LRRTM4: variants seen among roughly 807,000 people sequenced by gnomAD.
The protein encoded by LRRTM4 is leucine-rich repeat transmembrane neuronal protein 4.
A neutral mutation model predicts 47.6 loss-of-function variants in LRRTM4; 25 were observed. The observed-to-expected ratio is 0.53, with a 90% CI of 0.38 to 0.73. The LOEUF is 0.73. Ranked by LOEUF, LRRTM4 falls within the 30% of genes least tolerant of loss-of-function variation. The pLI is 0.00. For synonymous variants in LRRTM4, 311 were observed against 269.5 expected (o/e 1.15, Z -1.51); for missense variants, 638 against 713.4 (o/e 0.89, Z 1.20).
Position 77,148,828 on chromosome 2 carries a change from G to A in LRRTM4, c.1551+369490C>T, listed in dbSNP as rs1672341745. 2.0e-5 allele frequency among the ~76,000 whole-genome samples: 3 copies of A among 152,228 alleles called. No homozygotes were observed. In the South Asian group the frequency reaches 6.2e-4, roughly 32 times the overall value. Reference sequence around the variant, plus strand: ...GAGGAAACAAAAGTTAGGAAGTAAAGAAGAAGAACCTCGCAGCAGAAATCC... The same window carrying A: ...GAGGAAACAAAAGTTAGGAAGTAAAAAAGAAGAACCTCGCAGCAGAAATCC... On this transcript the variant is annotated intron_variant, in intron 3 of 3. Coordinates refer to ENST00000409884, the MANE Select transcript of LRRTM4 (RefSeq NM_001134745.3).
chr2:77,243,370 A>G (rs1675325030), intron 3 of LRRTM4, among the ~76,000 whole-genome samples: 1 of 147,036 alleles, frequency 6.8e-6, no homozygotes, highest in African/African-American at 2.5e-5. Context: ...AGATCGTGCC[A>G]TTGCACTCCA....
At chr2:77,128,568 T>C (rs181983016) in intron 3 of LRRTM4, among the ~76,000 whole-genome samples, 81 of 152,250 alleles carry the variant, frequency 5.3e-4, no homozygotes, top group South Asian at 2.5e-3. Context: ...CTATACAAAA[T>C]CTTTCCAACC....
At position 77,165,340 on chromosome 2, in the gene LRRTM4, A is replaced by C. The variant is rs185580931; in HGVS notation, c.1551+352978T>G. Among the ~76,000 whole-genome samples the C allele has an allele frequency of 1.7e-3, 252 of 152,246 alleles. 2 individuals carry two copies. Among genetic ancestry groups the C allele is most frequent in the African/African-American group, 3.3e-3 (137 of 41,558 alleles). ...TAATTAATAGCTTACCAACCAAAAA[A>C]AGTCCAGGACCGACAGATTCACAGC... On this transcript the variant is annotated intron_variant, in intron 3 of 3. Coordinates refer to ENST00000409884, the MANE Select transcript of LRRTM4 (RefSeq NM_001134745.3).
intron 3 of LRRTM4, among the ~76,000 whole-genome samples, chr2:77,086,251 G>A (rs1333404718): frequency 6.6e-6 from 1 of 152,130 alleles, no homozygotes; most frequent in Non-Finnish European, 1.5e-5. Context: ...AATAAGAGAA[G>A]TGAGTCAAGG....
chr2:76,826,273 CAAG>C (rs964510935), intron 3 of LRRTM4, among the ~76,000 whole-genome samples: 1 of 151,438 alleles, frequency 6.6e-6, no homozygotes, highest in Non-Finnish European at 1.5e-5. Flanking sequence ...ATAGGAAAGC[CAAG>C]AAGTAGCTTA....
intron 3 of LRRTM4, among the ~76,000 whole-genome samples, chr2:76,919,607 C>T (rs1164372487): frequency 3.9e-5 from 6 of 152,030 alleles, no homozygotes; most frequent in Admixed American, 6.6e-5. Context: ...TTGTGAAAGC[C>T]GATACGAGCC....
At chr2:77,153,329 A>C (rs1355465529) in intron 3 of LRRTM4, among the ~76,000 whole-genome samples, 2 of 152,142 alleles carry the variant, frequency 1.3e-5, no homozygotes, top group Non-Finnish European at 2.9e-5. Context: ...TTTGTCACAT[A>C]CTCAAAGGCA....
At chr2:76,829,836 T>C (rs1261676048) in intron 3 of LRRTM4, among the ~76,000 whole-genome samples, 1 of 151,984 alleles carries the variant, frequency 6.6e-6, no homozygotes, top group Admixed American at 6.6e-5. Context: ...TTCATCAGGG[T>C]TGTGGAAATC....
Position 77,078,380 on chromosome 2 carries a change from CCACACACACA to C in LRRTM4, c.1552-329474_1552-329465del, listed in dbSNP as rs59703273. Among the ~76,000 whole-genome samples, 704 of 139,340 alleles carry C rather than the reference CCACACACACA, an allele frequency of 5.1e-3. 13 individuals carry two copies. Among genetic ancestry groups the C allele is most frequent in the African/African-American group, 0.017 (641 of 38,534 alleles). The allele number at this position is 139,340 out of a possible 152,430, so 91.4% of individuals were successfully genotyped here. A position where few individuals can be genotyped will look rare whatever the true frequency, so the allele number is the denominator to read the frequency against. ...ATATGTTTGTCTATTACACACACACCCACACACACACACACACACACACACACATGTTCTG... is the reference window on the plus strand; with the variant it reads ...ATATGTTTGTCTATTACACACACACCCACACACACACACACACATGTTCTG... On this transcript the variant is annotated intron_variant, in intron 3 of 3. Transcript: ENST00000409884.
intron 3 of LRRTM4, among the ~76,000 whole-genome samples, chr2:77,076,876 T>C (rs1042063293): frequency 3.3e-5 from 5 of 152,150 alleles, no homozygotes; most frequent in African/African-American, 1.2e-4. Flanking sequence ...AGATTATAAG[T>C]ACTAAAATTT....
chr2:76,761,065 T>C (rs1673236196), intron 3 of LRRTM4, among the ~76,000 whole-genome samples: 1 of 152,202 alleles, frequency 6.6e-6, no homozygotes, highest in African/African-American at 2.4e-5. Flanking sequence ...TCCCTGGTGA[T>C]TCAAATGTGC....
intron 3 of LRRTM4, among the ~76,000 whole-genome samples, chr2:77,183,878 A>G (rs1478576899): frequency 1.3e-5 from 2 of 152,144 alleles, no homozygotes; most frequent in African/African-American, 4.8e-5. Context: ...TGGGAATTGA[A>G]CAATGAGAAC....
At chr2:77,256,804 T>C (rs372578883) in intron 3 of LRRTM4, among the ~76,000 whole-genome samples, 4 of 141,276 alleles carry the variant, frequency 2.8e-5, no homozygotes, top group African/African-American at 1.0e-4. Context: ...ATTCTGTTAC[T>C]AAAACCAGTT....
At chr2:77,039,580 A>G (rs1369166367) in intron 3 of LRRTM4, among the ~76,000 whole-genome samples, 3 of 151,294 alleles carry the variant, frequency 2.0e-5, no homozygotes, top group East Asian at 1.9e-4. Context: ...TCCCCAATCT[A>G]TCTTCCATTT....
intron 3 of LRRTM4, among the ~76,000 whole-genome samples, chr2:77,181,220 G>T (rs1673339321): frequency 1.3e-5 from 2 of 152,006 alleles, no homozygotes; most frequent in South Asian, 4.2e-4. Context: ...AATACCACAT[G>T]GATATAACAA....
chr2:77,388,288 C>T (rs1267082958), intron 3 of LRRTM4, among the ~76,000 whole-genome samples: 1 of 152,142 alleles, frequency 6.6e-6, no homozygotes, highest in South Asian at 2.1e-4. Flanking sequence ...AGTCCAAATC[C>T]CTTTAAGGTC....
At chr2:76,805,741 G>T (rs1021895102) in intron 3 of LRRTM4, among the ~76,000 whole-genome samples, 1 of 152,050 alleles carries the variant, frequency 6.6e-6, no homozygotes, top group Admixed American at 6.6e-5. Flanking sequence ...GCATCCACCA[G>T]AAAGAAAACC....
intron 3 of LRRTM4, among the ~76,000 whole-genome samples, chr2:76,946,231 T>C (rs895750172): frequency 6.6e-6 from 1 of 151,960 alleles, no homozygotes; most frequent in Non-Finnish European, 1.5e-5. Flanking sequence ...TATGCATTCA[T>C]GACTCAACAC....
intron 3 of LRRTM4, among the ~76,000 whole-genome samples, chr2:77,450,698 G>T (rs1573432334): frequency 6.6e-6 from 1 of 151,964 alleles, no homozygotes; most frequent in Non-Finnish European, 1.5e-5. Flanking sequence ...CTAATGGCTT[G>T]CTTTCTACAT....
Sources: gnomAD v4.1 joint callset for allele counts (sites outside exome capture counted in the v4.1 genomes callset) on GRCh38, gnomAD v4.1.1 for gene constraint, MANE v1.5 for transcripts, NCBI Gene and HGNC (gene_info 2026-07-23, HGNC 2026-07-21) for gene names.